Variants in FLNB observed in about 807,000 individuals in gnomAD.
FLNB encodes the protein filamin-B.
A neutral mutation model predicts 250.6 loss-of-function variants in FLNB; 111 were observed. The ratio of observed to expected loss-of-function variants is 0.44; its 90% confidence interval spans 0.38 to 0.52. The LOEUF (loss-of-function observed/expected upper bound fraction) is 0.52. Ranked by LOEUF, FLNB falls within the 20% of genes least tolerant of loss-of-function variation. The probability of loss-of-function intolerance (pLI) is 0.00; values close to 1 mark genes in which losing one functional copy is unlikely to be tolerated. For synonymous variants in FLNB, 1,302 were observed against 1,372.1 expected (o/e 0.95, Z 1.13); for missense variants, 2,869 against 3,447.8 (o/e 0.83, Z 4.20).
intron 4 of FLNB, among the ~76,000 whole-genome samples, chr3:58,086,103 C>G (rs1469396237): frequency 6.6e-6 from 1 of 151,782 alleles, no homozygotes; most frequent in Non-Finnish European, 1.5e-5. Context: ...TCAAGTGATT[C>G]TCCCTCCTCA....
intron 1 of FLNB, among the ~76,000 whole-genome samples, chr3:58,070,652 C>A (rs1258240980): frequency 7.5e-6 from 1 of 132,484 alleles, no homozygotes; most frequent in Admixed American, 7.4e-5. Flanking sequence ...CCATCTCTCT[C>A]TCTCTCTCTT....
intron 34 of FLNB, among the ~76,000 whole-genome samples, chr3:58,147,812 A>G (rs2097338092): frequency 6.6e-6 from 1 of 151,998 alleles, no homozygotes; most frequent in African/African-American, 2.4e-5. Context: ...AGCACCCACC[A>G]CCACACCCAG....
At chr3:58,049,038 T>C (rs77978358) in intron 1 of FLNB, among the ~76,000 whole-genome samples, 3,788 of 152,346 alleles carry the variant, frequency 0.025, 135 homozygotes, top group African/African-American at 0.086. Flanking sequence ...CACTGTGTAT[T>C]GCCAGAGAAA....
At chr3:58,029,215 T>C (rs2097127457) in intron 1 of FLNB, among the ~76,000 whole-genome samples, 1 of 152,204 alleles carries the variant, frequency 6.6e-6, no homozygotes, top group South Asian at 2.1e-4. Flanking sequence ...TCTTGGAGTC[T>C]GTGACAATTG....
chr3:58,093,715 C>A (rs1034226441), intron 4 of FLNB, among the ~76,000 whole-genome samples: 1 of 151,990 alleles, frequency 6.6e-6, no homozygotes, highest in Admixed American at 6.6e-5. Flanking sequence ...CTAGAAACAA[C>A]CCAGATGTTC....
intron 1 of FLNB, among the ~76,000 whole-genome samples, chr3:58,019,319 C>T (rs1030737653): frequency 1.3e-5 from 2 of 152,146 alleles, no homozygotes; most frequent in African/African-American, 4.8e-5. Flanking sequence ...CCTGTCTGTC[C>T]CCTCTTTTGC....
At chr3:58,046,616 AT>A (rs58042519) in intron 1 of FLNB, among the ~76,000 whole-genome samples, 4 of 151,886 alleles carry the variant, frequency 2.6e-5, no homozygotes, top group Non-Finnish European at 2.9e-5. Flanking sequence ...CACCCAACTA[AT>A]TTTTGTATTT....
At position 58,142,571 on chromosome 3, in the gene FLNB, C is replaced by T. The variant is rs2097328899; in HGVS notation, c.5182-79C>T. Reference sequence around the variant, plus strand: ...CGGCCTCACTGGCTTGTAGAATTCCCAGCAGCTCTAACCCCTGTAGCTTCA... The same window carrying T: ...CGGCCTCACTGGCTTGTAGAATTCCTAGCAGCTCTAACCCCTGTAGCTTCA... On this transcript the variant is annotated intron_variant, in intron 30 of 45. Transcript: ENST00000295956. The surrounding 1 kb of genome is among the most constrained non-coding windows in gnomAD (Gnocchi z 4.3). 4 of 1,239,292 alleles carry T rather than the reference C, an allele frequency of 3.2e-6. No homozygotes were observed. The highest frequency in any genetic ancestry group is 2.4e-6 in the Non-Finnish European group (2 of 850,178). 76.8% of individuals were successfully genotyped at this position (1,239,292 alleles called of 1,614,324 possible).
intron 1 of FLNB, among the ~76,000 whole-genome samples, chr3:58,062,035 A>G (rs1242929931): frequency 7.3e-5 from 11 of 151,398 alleles, no homozygotes; most frequent in Middle Eastern, 3.5e-3. Context: ...AGGTTGCAGT[A>G]AGCCGAAATC....
chr3:58,123,622 G>A lies in FLNB; in HGVS notation c.3656G>A (p.Arg1219Gln), dbSNP rs773833093. 7 of 1,612,584 alleles carry A rather than the reference G, an allele frequency of 4.3e-6. No homozygotes were observed. Among genetic ancestry groups the A allele is most frequent in the East Asian group, 2.2e-5 (1 of 44,858 alleles). Residue 1219 changes from arginine (R) to glutamine (Q), a missense_variant, in exon 21 of 46, where the codon CGG (arginine) becomes CAG (glutamine). Around this residue, in one of 5 missense-constraint regions of FLNB, gnomAD observed 1,348 missense variants for 1,466.7 expected, o/e 0.92. Coordinates refer to ENST00000295956, the MANE Select transcript of FLNB (RefSeq NM_001457.4). The stretch of plus-strand genomic sequence containing the variant: ...GAACTCGTGCCACACTTCCCCGCCC[G>A]GGTCAAGGTGGAGCCCGCCGTGGAC... ...GGELVPHFPA[R>Q]VKVEPAVDTS...
chr3:58,151,385 C>G (rs1361067937), intron 38 of FLNB: 1 of 121,918 alleles, frequency 8.2e-6, no homozygotes, highest in Non-Finnish European at 1.7e-5. Context: ...AAGTGAGACT[C>G]CTTCTCAAAA....
At chr3:58,030,229 T>A (rs934322149) in intron 1 of FLNB, among the ~76,000 whole-genome samples, 1 of 152,100 alleles carries the variant, frequency 6.6e-6, no homozygotes, top group Admixed American at 6.6e-5. Context: ...AGAATAGACT[T>A]CAAGGAGGGA....
intron 8 of FLNB, 43 bp downstream of exon 8, chr3:58,098,951 G>C (rs769502937): frequency 6.4e-7 from 1 of 1,557,074 alleles, no homozygotes; most frequent in South Asian, 1.1e-5. Context: ...TCATAGGGAA[G>C]CTGACTGCAC....
intron 18 of FLNB, among the ~76,000 whole-genome samples, chr3:58,117,694 A>G (rs1026275655): frequency 2.6e-5 from 4 of 150,954 alleles, no homozygotes; most frequent in African/African-American, 4.8e-5. Flanking sequence ...ACATTTTACC[A>G]GGAAATGTTG....
chr3:58,071,152 A>G (rs138783583), intron 1 of FLNB, among the ~76,000 whole-genome samples: 4 of 150,618 alleles, frequency 2.7e-5, no homozygotes, highest in South Asian at 2.1e-4. Context: ...GGGTGTCCCT[A>G]TGTTGCCCAG....
chr3:58,073,803 T>C (rs1390836682), intron 1 of FLNB, among the ~76,000 whole-genome samples: 1 of 152,204 alleles, frequency 6.6e-6, no homozygotes. Context: ...AAAGAATCCA[T>C]TTCTGTGTGA....
intron 1 of FLNB, among the ~76,000 whole-genome samples, chr3:58,027,865 G>A (rs1174123493): frequency 2.0e-5 from 3 of 152,174 alleles, no homozygotes; most frequent in Non-Finnish European, 2.9e-5. Context: ...AGCGTCACTA[G>A]GTAAATGGAA....
chr3:58,114,404 G>A (rs2097274347), intron 18 of FLNB, among the ~76,000 whole-genome samples: 1 of 152,194 alleles, frequency 6.6e-6, no homozygotes, highest in South Asian at 2.1e-4. Flanking sequence ...CGAAAGTGCT[G>A]GGATTATAGG....
At chr3:58,144,581 C>G (rs1221996442) in intron 32 of FLNB, among the ~76,000 whole-genome samples, 3 of 152,174 alleles carry the variant, frequency 2.0e-5, no homozygotes, top group African/African-American at 4.8e-5. Context: ...CCCCTAGTCA[C>G]CTCACACTCA....
Sources: gnomAD v4.1 joint callset for allele counts (sites outside exome capture counted in the v4.1 genomes callset) on GRCh38, gnomAD v4.1.1 for gene constraint, gnomAD v4.1.1 regional missense constraint, Gnocchi (gnomAD v3.1) non-coding constraint, MANE v1.5 for transcripts, NCBI Gene and HGNC (gene_info 2026-07-23, HGNC 2026-07-21) for gene names.